Variants in DMD observed in about 807,000 individuals in gnomAD.
DMD encodes the protein mutant dystrophin.
Under a neutral mutation model 330.1 loss-of-function variants are expected in DMD, and 63 were observed. The observed-to-expected ratio is 0.19, with a 90% confidence interval of 0.16 to 0.24. DMD has a LOEUF of 0.24. Ranked by LOEUF, DMD falls within the 10% of genes least tolerant of loss-of-function variation. DMD has a pLI of 1.00. For missense variants in DMD, 3,344 were observed against 2,684.1 expected (o/e 1.25, Z -5.43); for synonymous variants, 1,223 against 959.8 (o/e 1.27, Z -5.07).
intron 7 of DMD, among the ~76,000 whole-genome samples, chrX:32,795,360 G>A (rs143328144): frequency 1.8e-5 from 2 of 112,063 alleles, no homozygotes; most frequent in East Asian, 2.8e-4. Context: ...CCAAGAACAT[G>A]CATTAGGGGG....
chrX:33,260,399 C>T (rs973847078), intron 1 of DMD, among the ~76,000 whole-genome samples: 5 of 111,368 alleles, frequency 4.5e-5, no homozygotes, highest in African/African-American at 1.6e-4. Flanking sequence ...TTCTCCAGTC[C>T]AGTTACTTTT....
rs190485571 is a variant in DMD, at chrX:32,665,192, G to A, written c.961-20040C>T. On this transcript the variant is annotated intron_variant, in intron 9 of 78. Coordinates refer to ENST00000357033, the MANE Select transcript of DMD (RefSeq NM_004006.3). Reference sequence around the variant, plus strand: ...TATCAGGATACTGGTTGTGATATATGCAGAATACATTTGGCAATTGAGTGT... The same window carrying A: ...TATCAGGATACTGGTTGTGATATATACAGAATACATTTGGCAATTGAGTGT... Among the ~76,000 whole-genome samples, 28 of 111,822 alleles carry A rather than the reference G, an allele frequency of 2.5e-4. No homozygotes were observed. The East Asian group carries it at 4.2e-3, about 17-fold the overall frequency.
intron 50 of DMD, among the ~76,000 whole-genome samples, chrX:31,788,534 A>G (rs1327918507): frequency 9.0e-6 from 1 of 111,450 alleles, no homozygotes; most frequent in Non-Finnish European, 1.9e-5. Context: ...ACTTGATAAG[A>G]ATGTATATTC....
chrX:31,743,862 T>C (rs2087582779), intron 51 of DMD, among the ~76,000 whole-genome samples: 1 of 106,621 alleles, frequency 9.4e-6, no homozygotes, highest in Non-Finnish European at 1.9e-5. Flanking sequence ...ATGTTTGTCT[T>C]TTTTTTTTTT....
intron 2 of DMD, among the ~76,000 whole-genome samples, chrX:33,016,695 G>A (rs1318405288): frequency 3.6e-5 from 4 of 111,829 alleles, no homozygotes; most frequent in Non-Finnish European, 7.5e-5. Context: ...ATTCAGTATA[G>A]GATCAAAACC....
At chrX:33,159,758 G>A (rs892391696) in intron 1 of DMD, among the ~76,000 whole-genome samples, 3 of 111,794 alleles carry the variant, frequency 2.7e-5, no homozygotes, top group African/African-American at 9.8e-5. Context: ...GTGTACATGT[G>A]TCTTTATAGT....
At chrX:32,200,019 A>C (rs1023935592) in intron 44 of DMD, among the ~76,000 whole-genome samples, 1 of 110,822 alleles carries the variant, frequency 9.0e-6, no homozygotes, top group Non-Finnish European at 1.9e-5. Context: ...TTATATTGTT[A>C]CTTTTGATAT....
At chrX:32,211,962 A>T (rs1424441786) in intron 44 of DMD, among the ~76,000 whole-genome samples, 1 of 112,177 alleles carries the variant, frequency 8.9e-6, no homozygotes, top group Non-Finnish European at 1.9e-5. Flanking sequence ...CTAGTCTCCA[A>T]GAACATGCTA....
chrX:31,517,950 C>G (rs905699561), intron 55 of DMD, among the ~76,000 whole-genome samples: 2 of 108,423 alleles, frequency 1.8e-5, no homozygotes, highest in Non-Finnish European at 3.9e-5. Context: ...CACACACACA[C>G]ACACACACAC....
chrX:32,306,178 A>C (rs1008950953), intron 42 of DMD, among the ~76,000 whole-genome samples: 4 of 110,579 alleles, frequency 3.6e-5, no homozygotes, highest in African/African-American at 1.3e-4. Context: ...AAGATTCGTT[A>C]GTCTTTTTCA....
At chrX:32,771,675 C>T (rs1455530327) in intron 7 of DMD, among the ~76,000 whole-genome samples, 1 of 111,451 alleles carries the variant, frequency 9.0e-6, no homozygotes, top group Non-Finnish European at 1.9e-5. Context: ...ATAGTATTCC[C>T]TGTGATGACT....
At chrX:32,479,059 G>GT (rs1256727136) in intron 21 of DMD, among the ~76,000 whole-genome samples, 2 of 111,143 alleles carry the variant, frequency 1.8e-5, no homozygotes, top group South Asian at 7.4e-4. Context: ...GAATTTAAGA[G>GT]TTTTTTTCTT....
In DMD at chrX:31,343,191, C is replaced by T. The variant is rs939481161; in HGVS notation, c.9163+5365G>A. On this transcript the variant is annotated intron_variant, in intron 61 of 78. Coordinates refer to ENST00000357033, the MANE Select transcript of DMD (RefSeq NM_004006.3). ...ATGAAGAGACTGACAATATACCTAC[C>T]AATTATACATATATAACTATAAATT... Among the ~76,000 whole-genome samples, 4 of 111,372 alleles carry T rather than the reference C, an allele frequency of 3.6e-5. No homozygotes were observed. In the Admixed American group the frequency reaches 3.8e-4, roughly 11 times the overall value.
intron 34 of DMD, among the ~76,000 whole-genome samples, chrX:32,379,874 T>C (rs1475767803): frequency 1.8e-5 from 2 of 111,083 alleles, no homozygotes; most frequent in African/African-American, 3.3e-5. Context: ...TCAGCTATTT[T>C]CTTTATATCA....
chrX:33,056,777 T>C lies in DMD; in HGVS notation c.32-36577A>G, dbSNP rs17339009. On this transcript the variant is annotated intron_variant, in intron 1 of 78. Transcript: ENST00000357033. ...ATATTTGCTTTGATCTAGTTAACAC[T>C]TAATGAGTTTATATACCATAATATC... 9.8e-3 allele frequency among the ~76,000 whole-genome samples: 1,099 copies of C among 111,914 alleles called. 34 individuals are homozygous for C. The highest frequency in any genetic ancestry group is 0.066 in the Admixed American group (690 of 10,457).
chrX:32,349,266 A>C (rs908543718), intron 37 of DMD, among the ~76,000 whole-genome samples: 4 of 111,433 alleles, frequency 3.6e-5, no homozygotes, highest in African/African-American at 1.3e-4. Context: ...GACATGGAAA[A>C]TCAAATATAT....
At chrX:32,615,682 T>A (rs12559344) in intron 11 of DMD, among the ~76,000 whole-genome samples, 4,545 of 111,385 alleles carry the variant, frequency 0.041, 105 homozygotes, top group African/African-American at 0.082. Context: ...ACACACAAAG[T>A]GCACACATAG....
At chrX:32,180,054 A>C (rs2096922021) in intron 44 of DMD, among the ~76,000 whole-genome samples, 1 of 111,955 alleles carries the variant, frequency 8.9e-6, no homozygotes, top group African/African-American at 3.2e-5. Flanking sequence ...ATAAAATGTG[A>C]TTTTTAATGA....
intron 44 of DMD, among the ~76,000 whole-genome samples, chrX:32,026,698 G>C (rs191254788): frequency 8.9e-6 from 1 of 112,102 alleles, no homozygotes. Context: ...GCACATAGCT[G>C]TATGTATACG....
Sources: allele counts gnomAD v4.1 joint callset (sites outside exome capture counted in the v4.1 genomes callset), GRCh38; gene constraint gnomAD v4.1.1; transcripts MANE v1.5; gene names NCBI Gene and HGNC (gene_info 2026-07-23, HGNC 2026-07-21).